The following ARHGEF28 variants were observed in gnomAD, a reference collection of about 807,000 sequenced individuals.
ARHGEF28 encodes Rho guanine nucleotide exchange factor 28.
Under a neutral mutation model 206.6 loss-of-function variants are expected in ARHGEF28, and 152 were observed. The observed-to-expected ratio is 0.74, with a 90% CI of 0.64 to 0.84. The LOEUF (loss-of-function observed/expected upper bound fraction) is 0.84, where lower values mean the gene tolerates loss of function less well. Ranked by LOEUF, ARHGEF28 falls within the 40% of genes least tolerant of loss-of-function variation. ARHGEF28 has a pLI of 0.00. For missense variants in ARHGEF28, 2,028 were observed against 2,073.2 expected, an observed-to-expected ratio of 0.98 and a Z score of 0.42; for synonymous variants, 763 against 776.4, an observed-to-expected ratio of 0.98 and a Z score of 0.29.
chr5:73,885,540 A>G (rs1188272618), intron 24 of ARHGEF28, among the ~76,000 whole-genome samples: 1 of 148,668 alleles, frequency 6.7e-6, no homozygotes, highest in Non-Finnish European at 1.5e-5. Context: ...GGAGTGGTAC[A>G]GTCTTGGTTC....
chr5:73,807,641 T>C (rs1755590874), intron 9 of ARHGEF28, among the ~76,000 whole-genome samples: 1 of 151,838 alleles, frequency 6.6e-6, no homozygotes. Context: ...CCTGCCACCA[T>C]GCCCAGCTAA....
At chr5:73,930,330 T>C (rs1471972203) in intron 35 of ARHGEF28, among the ~76,000 whole-genome samples, 1 of 152,250 alleles carries the variant, frequency 6.6e-6, no homozygotes, top group Non-Finnish European at 1.5e-5. Context: ...CTTTCATACT[T>C]TTCTGATTAC....
At chr5:73,654,041 C>T (rs987555682) in intron 1 of ARHGEF28, among the ~76,000 whole-genome samples, 1 of 152,186 alleles carries the variant, frequency 6.6e-6, no homozygotes, top group Non-Finnish European at 1.5e-5. Context: ...AAATATCACC[C>T]TAACTTCTCT....
Position 73,910,208 on chromosome 5 carries a change from C to G in ARHGEF28, c.4647+311C>G, listed in dbSNP as rs1291080534. ...CCAGCCTGGCCAACATGGTGAAACC[C>G]CGTGTCTACTAAAAATACAAAAATT... On this transcript the variant is annotated intron_variant, in intron 34 of 35. Transcript: ENST00000513042. 2.0e-5 allele frequency among the ~76,000 whole-genome samples: 3 copies of G among 151,796 alleles called. No homozygotes were observed. The East Asian group carries it at 5.9e-4, about 30-fold the overall frequency.
intron 2 of ARHGEF28, among the ~76,000 whole-genome samples, chr5:73,703,989 A>G (rs1450417040): frequency 6.6e-6 from 1 of 151,550 alleles, no homozygotes; most frequent in African/African-American, 2.4e-5. Flanking sequence ...GCACCACTGC[A>G]CTTCAGCCTA....
At chr5:73,866,361 G>GT (rs1016011169) in intron 18 of ARHGEF28, among the ~76,000 whole-genome samples, 2 of 152,186 alleles carry the variant, frequency 1.3e-5, no homozygotes, top group African/African-American at 4.8e-5. Context: ...TACATGAAAT[G>GT]TACCTTACTT....
At chr5:73,926,134 A>G (rs909565096) in intron 35 of ARHGEF28, among the ~76,000 whole-genome samples, 1 of 152,240 alleles carries the variant, frequency 6.6e-6, no homozygotes, top group African/African-American at 2.4e-5. Context: ...CATGCTAGAC[A>G]TTCAGTGTTT....
At chr5:73,839,993 T>C (rs1757885122) in intron 10 of ARHGEF28, among the ~76,000 whole-genome samples, 1 of 152,210 alleles carries the variant, frequency 6.6e-6, no homozygotes, top group Non-Finnish European at 1.5e-5. Context: ...CAGTGGTTCA[T>C]AAAATGTTAG....
chr5:73,727,754 C>T (rs1225877752), intron 2 of ARHGEF28, among the ~76,000 whole-genome samples: 5 of 152,180 alleles, frequency 3.3e-5, no homozygotes, highest in Non-Finnish European at 5.9e-5. Context: ...AAAAGCCTTT[C>T]TTCTCATAGT....
At chr5:73,663,827 T>C (rs891718726) in intron 1 of ARHGEF28, among the ~76,000 whole-genome samples, 1 of 152,250 alleles carries the variant, frequency 6.6e-6, no homozygotes, top group African/African-American at 2.4e-5. Flanking sequence ...AAATGCTGAC[T>C]TTCACAAGTC....
intron 10 of ARHGEF28, among the ~76,000 whole-genome samples, chr5:73,836,427 T>C (rs1757643730): frequency 6.6e-6 from 1 of 152,026 alleles, no homozygotes; most frequent in Non-Finnish European, 1.5e-5. Context: ...ATATACCTAT[T>C]GGCCATTTGT....
intron 1 of ARHGEF28, among the ~76,000 whole-genome samples, chr5:73,629,266 A>T (rs4235677): frequency 9.2e-5 from 14 of 151,762 alleles, no homozygotes; most frequent in African/African-American, 3.4e-4. Context: ...GAGAGGCTGA[A>T]GTGGGAGGAT....
intron 1 of ARHGEF28, among the ~76,000 whole-genome samples, chr5:73,678,808 G>A (rs1415698458): frequency 3.9e-5 from 6 of 151,908 alleles, no homozygotes; most frequent in Non-Finnish European, 7.4e-5. Context: ...AAAAAAAAAA[G>A]GGGGGGAGTT....
intron 4 of ARHGEF28, among the ~76,000 whole-genome samples, chr5:73,759,415 G>T (rs1007265140): frequency 6.6e-6 from 1 of 152,156 alleles, no homozygotes; most frequent in African/African-American, 2.4e-5. Flanking sequence ...TATGGAGAAG[G>T]GTCGTTAGTA....
intron 18 of ARHGEF28, among the ~76,000 whole-genome samples, chr5:73,866,245 G>A (rs890620830): frequency 2.0e-5 from 3 of 152,134 alleles, no homozygotes; most frequent in South Asian, 2.1e-4. Context: ...ATATTAGAGA[G>A]GGCTATAAGG....
At chr5:73,648,307 G>T (rs560237603) in intron 1 of ARHGEF28, among the ~76,000 whole-genome samples, 1 of 152,222 alleles carries the variant, frequency 6.6e-6, no homozygotes, top group East Asian at 1.9e-4. Context: ...ATTGAATGTT[G>T]CTTCTGTGGA....
chr5:73,756,633 T>C (rs13354048), intron 4 of ARHGEF28, among the ~76,000 whole-genome samples: 49,951 of 152,054 alleles, frequency 0.33, 8,992 homozygotes, highest in African/African-American at 0.47. Flanking sequence ...TATGTATGTA[T>C]GTAGGGGCTC....
intron 10 of ARHGEF28, 49 bp downstream of exon 10, chr5:73,832,508 C>T (rs768227675): frequency 6.3e-7 from 1 of 1,589,118 alleles, no homozygotes; most frequent in Admixed American, 1.7e-5. Context: ...TCTCCAAAAC[C>T]TGGGTTTGTA....
rs1357002498 is a variant in ARHGEF28, at chr5:73,849,103, C to T, written c.1747+16C>T. 3.3e-6 allele frequency: 5 copies of T among 1,516,960 alleles called. No individual in the cohort carries two copies. Among genetic ancestry groups the T allele is most frequent in the Non-Finnish European group, 4.5e-6 (5 of 1,114,146 alleles). 94.0% of individuals were successfully genotyped at this position (1,516,960 alleles called of 1,614,324 possible). On this transcript the variant is annotated intron_variant, in intron 13 of 35. Coordinates refer to ENST00000513042, the MANE Select transcript of ARHGEF28 (RefSeq NM_001177693.2). ...TCAAGTGAAGGTAAGCATCATTTAA[C>T]ATTTGGCTTTGAAAACACTCTATTC...
Sources: gnomAD v4.1 joint callset for allele counts (sites outside exome capture counted in the v4.1 genomes callset) on GRCh38, gnomAD v4.1.1 for gene constraint, MANE v1.5 for transcripts, NCBI Gene and HGNC (gene_info 2026-07-23, HGNC 2026-07-21) for gene names.